Variants in DNHD1 observed in about 807,000 individuals in gnomAD.
The protein encoded by DNHD1 is dynein heavy chain domain 1, also known as dynein heavy chain domain-containing protein 1.
DNHD1 carries 383 observed loss-of-function variants against 458.1 expected under a neutral mutation model. The observed-to-expected ratio is 0.84, with a 90% CI of 0.77 to 0.91. The LOEUF is 0.91. Among genes scored for constraint, DNHD1 ranks in the 40% least tolerant of loss-of-function variants. The probability of loss-of-function intolerance (pLI) is 0.00; values close to 1 mark genes in which losing one functional copy is unlikely to be tolerated. For missense variants in DNHD1, 5,336 were observed against 5,866.1 expected, an observed-to-expected ratio of 0.91 and a Z score of 2.95; for synonymous variants, 2,203 against 2,376.9, an observed-to-expected ratio of 0.93 and a Z score of 2.13.
intron 29 of DNHD1, 97 bp from the exon 30 acceptor site, chr11:6,563,285 C>A (rs1207164786): frequency 1.0e-5 from 15 of 1,492,310 alleles, no homozygotes; most frequent in Non-Finnish European, 1.3e-5. Flanking sequence ...AGTGGCCTCT[C>A]ATGGGGACTC....
At chr11:6,562,739 T>C (rs1441293851) in intron 28 of DNHD1, among the ~76,000 whole-genome samples, 1 of 152,220 alleles carries the variant, frequency 6.6e-6, no homozygotes, top group African/African-American at 2.4e-5. Context: ...ACACGCATAG[T>C]CTTCGGGTGA....
rs369727742 is a variant in DNHD1 at position 6,557,012 on chromosome 11, G to A, written c.7717G>A (p.Ala2573Thr). Residue 2573 changes from alanine (A) to threonine (T), a missense_variant, in exon 25 of 43, where the codon GCT (alanine) becomes ACT (threonine). Physicochemically the swap from Ala to Thr is moderately conservative, Grantham distance 58. This residue lies in a region of DNHD1 where 3,932 missense variants were observed against 4,365.6 expected (regional missense o/e 0.90). Transcript: ENST00000254579. ...LVRASVEAWE[A>T]VCNCFMPSPL... is the part of the protein sequence containing the mutation. ...TAGGGCCTCAGTAGAGGCCTGGGAG[G>A]CTGTGTGCAATTGCTTCATGCCTTC... 6.4e-7 allele frequency: 1 copy of A among 1,551,556 alleles called. No homozygotes were observed.
chr11:6,539,221 C>G lies in DNHD1; in HGVS notation c.3328C>G (p.Leu1110Val), dbSNP rs1383049310. 5 of 1,550,134 alleles carry G rather than the reference C, an allele frequency of 3.2e-6. No homozygotes were observed. Among genetic ancestry groups the G allele is most frequent in the Non-Finnish European group, 4.4e-6 (5 of 1,145,610 alleles). The change falls in exon 17 of 43, where the codon CTT becomes GTT. Residue 1110 changes from leucine to valine, a missense_variant and splice_region_variant. By Grantham distance (32) the Leu-to-Val change is conservative (BLOSUM62 1). Around this residue, in one of 4 missense-constraint regions of DNHD1, gnomAD observed 3,932 missense variants for 4,365.6 expected, o/e 0.90. Coordinates refer to ENST00000254579, the MANE Select transcript of DNHD1 (RefSeq NM_144666.3). ...TGACTTGTTTTCTCTACCTCCAGCC[C>G]TTGGGCTGGGCAGTCTCCAAACTAT... ...SLNCQCLLRA[L>V]GLGSLQTIEL...
chr11:6,563,640 C>A (rs778092589), intron 30 of DNHD1, 53 bp from the exon 31 acceptor site: 2 of 1,544,894 alleles, frequency 1.3e-6, no homozygotes, highest in South Asian at 1.2e-5. Flanking sequence ...ACTGTTGGGT[C>A]AAGGTCCAGA....
intron 6 of DNHD1, among the ~76,000 whole-genome samples, chr11:6,510,123 G>A (rs1179981498): frequency 2.7e-5 from 4 of 150,638 alleles, no homozygotes; most frequent in Non-Finnish European, 4.4e-5. Context: ...CACTCTTGTC[G>A]CCCAGGCTGG....
intron 28 of DNHD1, among the ~76,000 whole-genome samples, chr11:6,560,545 A>T (rs2134450287): frequency 2.0e-5 from 3 of 152,330 alleles, no homozygotes; most frequent in Middle Eastern, 6.8e-3. Context: ...TCCCAAGATG[A>T]TTAATACCAG....
At chr11:6,555,913 G>A (rs552671227) in intron 24 of DNHD1, among the ~76,000 whole-genome samples, 15 of 152,134 alleles carry the variant, frequency 9.9e-5, no homozygotes, top group Non-Finnish European at 1.6e-4. Context: ...AAAATTCACT[G>A]AACTGTACAC....
At chr11:6,529,358 T>C (rs996163786) in intron 12 of DNHD1, among the ~76,000 whole-genome samples, 1 of 152,204 alleles carries the variant, frequency 6.6e-6, no homozygotes, top group Admixed American at 6.5e-5. Context: ...TTAGGAATCA[T>C]GTTCCTGTGC....
rs368669562 is a variant in DNHD1, at chr11:6,570,894, T to C, written c.13382T>C (p.Ile4461Thr). 1 of 1,613,772 alleles carries C rather than the reference T, an allele frequency of 6.2e-7. No individual in the cohort carries two copies. The highest frequency in any genetic ancestry group is 8.5e-7 in the Non-Finnish European group (1 of 1,179,794). ...CTGCAGGATCTGCTGACCCACGTGA[T>C]TCGCCAAGACGAGTCCGACGCCCCG... Reference protein sequence around the residue: ...ESLQDLLTHVIRQDESDAPWS... With the variant: ...ESLQDLLTHVTRQDESDAPWS... Residue 4461 changes from isoleucine to threonine, a missense_variant, in exon 42 of 43, where the codon ATT (isoleucine) becomes ACT (threonine). This residue lies in a region of DNHD1 where 698 missense variants were observed against 664.9 expected (regional missense o/e 1.05). Transcript: ENST00000254579.
At chr11:6,541,827 C>T (rs567682246) in intron 18 of DNHD1, among the ~76,000 whole-genome samples, 2 of 152,150 alleles carry the variant, frequency 1.3e-5, no homozygotes, top group African/African-American at 2.4e-5. Flanking sequence ...ACTGGTATAA[C>T]CCAAGTGAAA....
intron 18 of DNHD1, among the ~76,000 whole-genome samples, chr11:6,543,303 A>C (rs1389911950): frequency 2.6e-5 from 4 of 152,198 alleles, no homozygotes; most frequent in Admixed American, 2.6e-4. Flanking sequence ...AGTCTTACCA[A>C]GCACTTGTGG....
At chr11:6,560,196 A>G (rs1295674199) in intron 28 of DNHD1, among the ~76,000 whole-genome samples, 1 of 152,192 alleles carries the variant, frequency 6.6e-6, no homozygotes, top group African/African-American at 2.4e-5. Context: ...AGAGCAGTGA[A>G]CTAGTGCCCA....
chr11:6,525,478 T>C (rs1852691814), intron 10 of DNHD1, among the ~76,000 whole-genome samples: 1 of 152,218 alleles, frequency 6.6e-6, no homozygotes, highest in Non-Finnish European at 1.5e-5. Flanking sequence ...ACCAGCATTC[T>C]CTACATCGTC....
chr11:6,557,562 T>C lies in DNHD1; in HGVS notation c.8267T>C (p.Val2756Ala), dbSNP rs112656142. Residue 2756 changes from valine to alanine, a missense_variant, in exon 25 of 43, where the codon GTA becomes GCA. Transcript: ENST00000254579. ...AGTCTAACACCATCCATAGGACCAG[T>C]AAGCAGGGGGATGAAGGAAAGCATA... ...DPSLTPSIGP[V>A]SRGMKESISH... The C allele has an allele frequency of 0.025, 39,086 of 1,551,546 alleles. 1,744 individuals are homozygous for C. Among genetic ancestry groups the C allele is most frequent in the African/African-American group, 0.19 (14,240 of 73,060 alleles).
At chr11:6,538,182 G>A (rs769764354) in intron 14 of DNHD1, among the ~76,000 whole-genome samples, 1 of 152,172 alleles carries the variant, frequency 6.6e-6, no homozygotes, top group Non-Finnish European at 1.5e-5. Flanking sequence ...TTCCCAGATG[G>A]TCTTTCCCTG....
Position 6,564,798 on chromosome 11 carries a change from G to T in DNHD1, c.10750G>T (p.Gly3584Cys). ...NRSFAPALTE[G>C]RGKGLMRNQK... is the part of the protein sequence containing the mutation. ...ATCTTTTGCGCCAGCCCTCACTGAG[G>T]GTAGAGGTAAGCAGGCATAATAAAT... Residue 3584 changes from glycine to cysteine, a missense_variant, in exon 32 of 43, where the codon GGT becomes TGT. Around this residue, in one of 4 missense-constraint regions of DNHD1, gnomAD observed 695 missense variants for 804.2 expected, o/e 0.86. Transcript: ENST00000254579. The T allele has an allele frequency of 6.6e-7, 1 of 1,521,214 alleles. No individual in the cohort carries two copies. The highest frequency in any genetic ancestry group is 8.9e-7 in the Non-Finnish European group (1 of 1,127,132). The allele number at this position is 1,521,214 out of a possible 1,614,324, so 94.2% of individuals were successfully genotyped here.
intron 12 of DNHD1, 69 bp downstream of exon 12, chr11:6,529,190 T>C: frequency 6.6e-7 from 1 of 1,507,882 alleles, no homozygotes; most frequent in Non-Finnish European, 9.0e-7. Flanking sequence ...CCTGCCTTGG[T>C]CCTGGAATGT....
Position 6,566,747 on chromosome 11 carries a change from G to A in DNHD1, c.11367G>A (p.Lys3789=). Residue 3789 remains lysine (K), a synonymous_variant, in exon 35 of 43, where the codon AAG becomes AAA. Transcript: ENST00000254579. The part of the protein sequence containing the change: ...DLKIRALDTC[K]AVEAAEERLL... ...AGATCAGAGCCCTAGATACCTGCAA[G>A]GCTGTGGAGGCTGCTGAGGTGCTTG... is the stretch of plus-strand genomic sequence containing the variant. 2 of 1,610,412 alleles carry A rather than the reference G, an allele frequency of 1.2e-6. No individual in the cohort carries two copies. The highest frequency in any genetic ancestry group is 1.7e-6 in the Non-Finnish European group (2 of 1,178,262).
intron 3 of DNHD1, 109 bp downstream of exon 3, chr11:6,499,070 G>T: frequency 7.7e-7 from 1 of 1,295,970 alleles, no homozygotes; most frequent in East Asian, 2.4e-5. Context: ...GTTTATCACA[G>T]GGATTAGCCC....
Sources: allele counts gnomAD v4.1 joint callset (sites outside exome capture counted in the v4.1 genomes callset), GRCh38; gene constraint gnomAD v4.1.1; regional missense constraint gnomAD v4.1.1; transcripts MANE v1.5; gene names NCBI Gene and HGNC (gene_info 2026-07-23, HGNC 2026-07-21).